COL17A1: variants seen among roughly 807,000 people sequenced by gnomAD.
The protein encoded by COL17A1 is collagen alpha-1(XVII) chain.
In COL17A1, 181 loss-of-function variants were observed where a neutral mutation model predicts 218.4. That is an observed-to-expected ratio of 0.83 (90% CI 0.73 to 0.94). The LOEUF (loss-of-function observed/expected upper bound fraction) is 0.94. Among genes scored for constraint, COL17A1 ranks in the 40% least tolerant of loss-of-function variants. The probability of loss-of-function intolerance (pLI) is 0.00; values close to 1 mark genes in which losing one functional copy is unlikely to be tolerated. For missense variants in COL17A1, 1,924 were observed against 1,945.9 expected (o/e 0.99, Z 0.21); for synonymous variants, 721 against 731.0 (o/e 0.99, Z 0.22).
At chr10:104,044,243 G>C (rs543446679) in intron 33 of COL17A1, among the ~76,000 whole-genome samples, 1 of 152,224 alleles carries the variant, frequency 6.6e-6, no homozygotes, top group Non-Finnish European at 1.5e-5. Context: ...CGATGAGCCC[G>C]CCAGGTAGAG....
intron 9 of COL17A1, among the ~76,000 whole-genome samples, chr10:104,065,969 T>C (rs1313827765): frequency 1.3e-5 from 2 of 152,184 alleles, no homozygotes; most frequent in African/African-American, 4.8e-5. Flanking sequence ...AAACAGGATA[T>C]ACTAGGCCCC....
At chr10:104,054,243 T>G in intron 20 of COL17A1, 125 bp from the exon 21 acceptor site, 1 of 871,874 alleles carries the variant, frequency 1.1e-6, no homozygotes, top group South Asian at 1.4e-5. Flanking sequence ...GATGTCCAGT[T>G]ACATTTGAAT....
rs779043586 is a variant in COL17A1, at chr10:104,034,285, C to T, written c.3816G>A (p.Pro1272=). 32 of 1,588,382 alleles carry T rather than the reference C, an allele frequency of 2.0e-5. No homozygotes were observed. Among genetic ancestry groups the T allele is most frequent in the African/African-American group, 1.9e-4 (14 of 74,366 alleles). ...FIVGPPGPPG[P]QGPPGDSRLL... Reference sequence around the variant, plus strand: ...GGCGGCTGTCCCCAGGGGGTCCCTGCGGCCCAGGAGGGCCTGGGGGGCCAA... The same window carrying T: ...GGCGGCTGTCCCCAGGGGGTCCCTGTGGCCCAGGAGGGCCTGGGGGGCCAA... The change falls in exon 52 of 56, where the codon CCG becomes CCA. Residue 1272 remains proline, a synonymous_variant. Coordinates refer to ENST00000648076, the MANE Select transcript of COL17A1 (RefSeq NM_000494.4).
intron 24 of COL17A1, 50 bp downstream of exon 24, chr10:104,052,103 ATG>A: frequency 6.2e-7 from 1 of 1,612,448 alleles, no homozygotes; most frequent in Non-Finnish European, 8.5e-7. Context: ...TCCATCCTGA[ATG>A]TGGCTTCTCC....
In COL17A1 at chr10:104,057,072, G is replaced by A; in HGVS notation, c.1368C>T (p.Cys456=). ...GGPWGPAPAW[C]PCGSCCSWWK... ...ACCAGCTGCAGCAGGAGCCGCAGGG[G>A]CACCAGGCTGGCGCTGGTCCCCAAG... The change falls in exon 17 of 56, where the codon TGC becomes TGT. Residue 456 remains cysteine (C), a synonymous_variant. Coordinates refer to ENST00000648076, the MANE Select transcript of COL17A1 (RefSeq NM_000494.4). 1 of 1,611,308 alleles carries A rather than the reference G, an allele frequency of 6.2e-7. No individual in the cohort carries two copies. The highest frequency in any genetic ancestry group is 1.8e-4 in the Middle Eastern group (1 of 5,410).
At position 104,074,353 on chromosome 10, in the gene COL17A1, A is replaced by G. The variant is rs2086692110; in HGVS notation, c.332-122T>C. ...ACAGCCCTCAGTGTTTCAGGGGGGA[A>G]TGAGGTATGCTCTTCAGCATGCATG... is the stretch of plus-strand genomic sequence containing the variant. On this transcript the variant is annotated intron_variant, in intron 5 of 55. Transcript: ENST00000648076. 4 of 1,380,242 alleles carry G rather than the reference A, an allele frequency of 2.9e-6. No individual in the cohort carries two copies. The South Asian group carries it at 4.7e-5, about 16-fold the overall frequency. The allele number at this position is 1,380,242 out of a possible 1,614,324, so 85.5% of individuals were successfully genotyped here. A position where few individuals can be genotyped will look rare whatever the true frequency, so the allele number is the denominator to read the frequency against.
At chr10:104,055,188 G>A (rs1282484402) in intron 19 of COL17A1, 181 bp from the exon 20 acceptor site, 2 of 1,421,676 alleles carry the variant, frequency 1.4e-6, no homozygotes, top group African/African-American at 2.9e-5. Flanking sequence ...GCTTCTCTTA[G>A]ATGCTGCCTT....
In COL17A1 at chr10:104,076,442, A is replaced by G. The variant is rs1451309896; in HGVS notation, c.203-13T>C. 1 of 1,613,752 alleles carries G rather than the reference A, an allele frequency of 6.2e-7. No individual in the cohort carries two copies. Among genetic ancestry groups the G allele is most frequent in the African/African-American group, 1.3e-5 (1 of 74,932 alleles). On this transcript the variant is annotated splice_polypyrimidine_tract_variant and intron_variant, in intron 4 of 55. Coordinates refer to ENST00000648076, the MANE Select transcript of COL17A1 (RefSeq NM_000494.4). ...CGTGTGCTTCCAGCTGCAAGAGGGA[A>G]AAAGCATAAGTTCTCAGTGCTTCAG...
chr10:104,041,040 G>C (rs778634348), intron 39 of COL17A1, 25 bp downstream of exon 39: 1 of 1,613,942 alleles, frequency 6.2e-7, no homozygotes, highest in Non-Finnish European at 8.5e-7. Flanking sequence ...TGGAGAACAG[G>C]TGCGACTTGA....
chr10:104,034,850 G>GC (rs988048682), intron 50 of COL17A1, 83 bp from the exon 51 acceptor site: 5 of 1,552,776 alleles, frequency 3.2e-6, no homozygotes, highest in Non-Finnish European at 4.4e-6. Context: ...GGCGCTGTGG[G>GC]CCCCACCTGA....
chr10:104,057,648 A>G (rs2086543266), intron 16 of COL17A1, among the ~76,000 whole-genome samples: 1 of 151,242 alleles, frequency 6.6e-6, no homozygotes, highest in Non-Finnish European at 1.5e-5. Flanking sequence ...CAGTGCCTAG[A>G]ATTATACTCA....
At chr10:104,037,451 G>T (rs1445626177) in intron 46 of COL17A1, among the ~76,000 whole-genome samples, 185 bp downstream of exon 46, 1 of 152,126 alleles carries the variant, frequency 6.6e-6, no homozygotes, top group East Asian at 1.9e-4. Context: ...CAGCGTGGCC[G>T]CCCTGAATCT....
intron 28 of COL17A1, 92 bp downstream of exon 28, chr10:104,049,997 G>A (rs375270601): frequency 3.7e-5 from 58 of 1,587,936 alleles, no homozygotes; most frequent in Middle Eastern, 3.3e-4. Context: ...AAACAGATTC[G>A]GTCTCTTACT....
At chr10:104,050,036 T>A in intron 28 of COL17A1, 53 bp downstream of exon 28, 1 of 1,613,654 alleles carries the variant, frequency 6.2e-7, no homozygotes, top group Non-Finnish European at 8.5e-7. Flanking sequence ...TAGTGACTGA[T>A]GGATTTACAA....
intron 33 of COL17A1, 149 bp from the exon 34 acceptor site, chr10:104,044,009 G>A (rs1219983369): frequency 1.2e-6 from 1 of 856,276 alleles, no homozygotes. Flanking sequence ...CTGAAGGAAG[G>A]CAAGCAGGAT....
chr10:104,075,201 C>T (rs989289743), intron 5 of COL17A1, among the ~76,000 whole-genome samples: 3 of 152,136 alleles, frequency 2.0e-5, no homozygotes, highest in Non-Finnish European at 4.4e-5. Context: ...CACCTCTTTG[C>T]GAATGGCTTC....
intron 48 of COL17A1, among the ~76,000 whole-genome samples, chr10:104,036,065 TATGTGTATGGGAGTGTGTATGG>T (rs2086287977): frequency 7.0e-5 from 2 of 28,556 alleles, no homozygotes; most frequent in African/African-American, 1.0e-4. Context: ...TGTATGGGAG[TATGTGTATGGGAGTGTGTATGG>T]GAGTGTGTGT....
At chr10:104,041,426 T>C in intron 37 of COL17A1, 59 bp downstream of exon 37, 3 of 1,602,530 alleles carry the variant, frequency 1.9e-6, no homozygotes, top group East Asian at 4.5e-5. Context: ...CCTCACTAAG[T>C]GCATTGAATC....
rs928889512 is a variant in COL17A1, at chr10:104,042,343, G to T, written c.2551+77C>A. The T allele has an allele frequency of 8.5e-5, 125 of 1,470,058 alleles. No individual in the cohort carries two copies. In the Middle Eastern group the frequency reaches 1.4e-3, roughly 16 times the overall value. 91.1% of individuals were successfully genotyped at this position (1,470,058 alleles called of 1,614,324 possible). ...CACCTTTCACGTCATCTAGAACAGAGAGGCCCATGTCCACCCTGAGAGGAA... is the reference window on the plus strand; with the variant it reads ...CACCTTTCACGTCATCTAGAACAGATAGGCCCATGTCCACCCTGAGAGGAA... On this transcript the variant is annotated intron_variant, in intron 36 of 55. Transcript: ENST00000648076.
Sources: allele counts gnomAD v4.1 joint callset (sites outside exome capture counted in the v4.1 genomes callset), GRCh38; gene constraint gnomAD v4.1.1; transcripts MANE v1.5; gene names NCBI Gene and HGNC (gene_info 2026-07-23, HGNC 2026-07-21).